The following RASAL2 variants were observed in gnomAD, a reference collection of about 807,000 sequenced individuals.
The protein encoded by RASAL2 is RAS protein activator like 2.
RASAL2 carries 58 observed loss-of-function variants against 128.9 expected under a neutral mutation model. The ratio of observed to expected loss-of-function variants is 0.45; its 90% confidence interval spans 0.36 to 0.56. The LOEUF (loss-of-function observed/expected upper bound fraction) is 0.56. Ranked by LOEUF, RASAL2 falls within the 20% of genes least tolerant of loss-of-function variation. The probability of loss-of-function intolerance (pLI) is 0.00; values close to 1 mark genes in which losing one functional copy is unlikely to be tolerated. For missense variants in RASAL2, 1,360 were observed against 1,601.6 expected, an observed-to-expected ratio of 0.85 and a Z score of 2.57; for synonymous variants, 561 against 580.8, an observed-to-expected ratio of 0.97 and a Z score of 0.49.
intron 1 of RASAL2, among the ~76,000 whole-genome samples, chr1:178,259,028 C>A (rs188201062): frequency 2.0e-5 from 3 of 151,704 alleles, no homozygotes; most frequent in Admixed American, 2.0e-4. Flanking sequence ...TATGAAGTAT[C>A]CAGACTATGG....
intron 2 of RASAL2, among the ~76,000 whole-genome samples, chr1:178,293,505 G>T (rs1362436650): frequency 6.6e-6 from 1 of 152,162 alleles, no homozygotes; most frequent in Non-Finnish European, 1.5e-5. Context: ...CCCATGCGTG[G>T]TCTGGTATTC....
chr1:178,325,240 G>C (rs1668982390), intron 3 of RASAL2, among the ~76,000 whole-genome samples: 1 of 152,146 alleles, frequency 6.6e-6, no homozygotes, highest in South Asian at 2.1e-4. Context: ...ATTCAAGGTA[G>C]AAAATAGTGT....
rs374443398 is a variant in RASAL2 at position 178,320,053 on chromosome 1, A to G, written c.457+19935A>G. On this transcript the variant is annotated intron_variant, in intron 3 of 17. Transcript: ENST00000367649. Reference sequence around the variant, plus strand: ...TGCAGGTCTGTTGGAATACCCTGCCATGTGAGGTGTCAGTGTGCCCCTGCT... The same window carrying G: ...TGCAGGTCTGTTGGAATACCCTGCCGTGTGAGGTGTCAGTGTGCCCCTGCT... Among the ~76,000 whole-genome samples, 344 of 151,562 alleles carry G rather than the reference A, an allele frequency of 2.3e-3. 2 individuals are homozygous for G. Among genetic ancestry groups the G allele is most frequent in the South Asian group, 0.018 (85 of 4,748 alleles).
At chr1:178,098,667 T>A (rs1445604200) in intron 1 of RASAL2, among the ~76,000 whole-genome samples, 1 of 152,204 alleles carries the variant, frequency 6.6e-6, no homozygotes, top group African/African-American at 2.4e-5. Context: ...AAGGGAAATA[T>A]AATCAGCACA....
chr1:178,113,535 TGTGTGTGTGTG>T (rs1177949012), intron 1 of RASAL2, among the ~76,000 whole-genome samples: 3 of 149,988 alleles, frequency 2.0e-5, no homozygotes, highest in African/African-American at 5.0e-5. Context: ...TGTGTGTGTG[TGTGTGTGTGTG>T]TGTGTGTGTG....
chr1:178,287,057 CCT>C (rs891684057), intron 2 of RASAL2, among the ~76,000 whole-genome samples: 2 of 152,034 alleles, frequency 1.3e-5, no homozygotes, highest in African/African-American at 4.8e-5. Context: ...CCTCTGATGT[CCT>C]CTCTCTCCCC....
intron 1 of RASAL2, among the ~76,000 whole-genome samples, chr1:178,247,403 T>TC (rs1254283246): frequency 6.6e-6 from 1 of 152,140 alleles, no homozygotes; most frequent in Non-Finnish European, 1.5e-5. Context: ...AGTTTATATT[T>TC]CTGTGGGATC....
At chr1:178,209,690 T>A (rs190998906) in intron 1 of RASAL2, among the ~76,000 whole-genome samples, 1 of 152,004 alleles carries the variant, frequency 6.6e-6, no homozygotes, top group East Asian at 1.9e-4. Flanking sequence ...TCTCTTTTTC[T>A]CTCTCTCTCA....
intron 4 of RASAL2, 108 bp from the exon 5 acceptor site, chr1:178,420,403 A>G (rs973780381): frequency 4.0e-5 from 25 of 618,118 alleles, no homozygotes; most frequent in Non-Finnish European, 6.5e-5. Context: ...GCTAGTTTCT[A>G]TTTCTGGTCT....
intron 5 of RASAL2, among the ~76,000 whole-genome samples, chr1:178,436,060 TA>T (rs1407637728): frequency 1.3e-5 from 2 of 151,968 alleles, no homozygotes; most frequent in Non-Finnish European, 2.9e-5. Context: ...CAGAAGGAGG[TA>T]AACATGAATT....
At chr1:178,251,188 A>G (rs1665037959) in intron 1 of RASAL2, among the ~76,000 whole-genome samples, 1 of 152,218 alleles carries the variant, frequency 6.6e-6, no homozygotes, top group African/African-American at 2.4e-5. Context: ...AGCTAGGAGA[A>G]TCTTGCCATC....
intron 3 of RASAL2, among the ~76,000 whole-genome samples, chr1:178,368,505 A>G (rs1232520286): frequency 6.6e-6 from 1 of 152,232 alleles, no homozygotes; most frequent in Non-Finnish European, 1.5e-5. Flanking sequence ...GACACTTTCT[A>G]TATTTTTAAG....
intron 1 of RASAL2, among the ~76,000 whole-genome samples, chr1:178,274,830 A>T (rs1666420261): frequency 6.6e-6 from 1 of 152,224 alleles, no homozygotes; most frequent in Non-Finnish European, 1.5e-5. Flanking sequence ...AGCTCAAAGG[A>T]TCCTCCTGCT....
intron 14 of RASAL2, among the ~76,000 whole-genome samples, chr1:178,463,915 G>T (rs1045784023): frequency 2.0e-5 from 3 of 151,956 alleles, no homozygotes; most frequent in Non-Finnish European, 4.4e-5. Flanking sequence ...GACTTTTATG[G>T]CATAAAAGAC....
chr1:178,108,220 T>G (rs1279078851), intron 1 of RASAL2, among the ~76,000 whole-genome samples: 1 of 152,228 alleles, frequency 6.6e-6, no homozygotes, highest in Non-Finnish European at 1.5e-5. Context: ...AGCATATTTT[T>G]ATTGCTTATT....
chr1:178,225,943 C>T (rs1411108538), intron 1 of RASAL2, among the ~76,000 whole-genome samples: 4 of 152,102 alleles, frequency 2.6e-5, no homozygotes, highest in Non-Finnish European at 2.9e-5. Context: ...ATGAGCACTG[C>T]GTAGGTCTCT....
intron 1 of RASAL2, among the ~76,000 whole-genome samples, 180 bp downstream of exon 1, chr1:178,094,874 A>T (rs1227687825): frequency 1.3e-5 from 2 of 152,168 alleles, no homozygotes; most frequent in African/African-American, 4.8e-5. Context: ...TTGGGCAGGG[A>T]TGTCACTCAG....
chr1:178,328,342 G>T (rs904302907), intron 3 of RASAL2, among the ~76,000 whole-genome samples: 3 of 152,212 alleles, frequency 2.0e-5, no homozygotes, highest in African/African-American at 4.8e-5. Flanking sequence ...GGCATATAAT[G>T]TGTAATAATC....
intron 1 of RASAL2, among the ~76,000 whole-genome samples, chr1:178,136,747 ACT>A (rs1228435803): frequency 3.7e-5 from 4 of 107,572 alleles, no homozygotes; most frequent in African/African-American, 1.2e-4. Flanking sequence ...ACAAAGTGAG[ACT>A]CTGTCTCAAA....
Sources: gnomAD v4.1 joint callset for allele counts (sites outside exome capture counted in the v4.1 genomes callset) on GRCh38, gnomAD v4.1.1 for gene constraint, MANE v1.5 for transcripts, NCBI Gene and HGNC (gene_info 2026-07-23, HGNC 2026-07-21) for gene names.